Variants in DSG3 observed in about 807,000 individuals in gnomAD.
DSG3 encodes the protein desmoglein-3.
A neutral mutation model predicts 85.9 loss-of-function variants in DSG3; 63 were observed. The observed-to-expected ratio is 0.73, with a 90% CI of 0.60 to 0.90. DSG3 has a LOEUF of 0.90. Ranked by LOEUF, DSG3 falls within the 40% of genes least tolerant of loss-of-function variation. The probability of loss-of-function intolerance (pLI) is 0.00; values close to 1 mark genes in which losing one functional copy is unlikely to be tolerated. For missense variants in DSG3, 1,220 were observed against 1,219.9 expected (o/e 1.00, Z 0.00); for synonymous variants, 447 against 441.9 (o/e 1.01, Z -0.14).
Position 31,477,801 on chromosome 18 carries a change from A to T in DSG3, c.*1541A>T, listed in dbSNP as rs2072898343. 6.6e-6 allele frequency: 1 copy of T among 152,208 alleles called. No homozygotes were observed. The highest frequency in any genetic ancestry group is 1.5e-5 in the Non-Finnish European group (1 of 68,044). 9.4% of individuals were successfully genotyped at this position (152,208 alleles called of 1,614,324 possible). A position where few individuals can be genotyped will look rare whatever the true frequency, so the allele number is the denominator to read the frequency against. ...CACCCTACCTCACCTGCTTACTGACATTGTCTTAGCTGATCACAAGATCAT... is the reference window on the plus strand; with the variant it reads ...CACCCTACCTCACCTGCTTACTGACTTTGTCTTAGCTGATCACAAGATCAT... On this transcript the variant is annotated 3_prime_UTR_variant, in exon 16 of 16. Coordinates refer to ENST00000257189, the MANE Select transcript of DSG3 (RefSeq NM_001944.3).
rs1295987429 is a variant in DSG3, at chr18:31,447,885, G to C, written c.8G>C (p.Gly3Ala). The stretch of plus-strand genomic sequence containing the variant: ...CCAGGGAAATCAGAGACAATGATGG[G>C]GCTCTTCCCCAGAACTACAGGGGCT... MM[G>A]LFPRTTGALA... Residue 3 changes from glycine (G) to alanine (A), a missense_variant, in exon 1 of 16, where the codon GGG becomes GCG. Physicochemically the swap from Gly to Ala is moderately conservative, Grantham distance 60 (BLOSUM62 0). Coordinates refer to ENST00000257189, the MANE Select transcript of DSG3 (RefSeq NM_001944.3). The C allele has an allele frequency of 1.9e-6, 3 of 1,590,588 alleles. No individual in the cohort carries two copies. Among genetic ancestry groups the C allele is most frequent in the Middle Eastern group, 1.7e-4 (1 of 6,002 alleles).
chr18:31,475,146 CTT>C (rs746001855), intron 15 of DSG3, among the ~76,000 whole-genome samples: 19 of 152,136 alleles, frequency 1.2e-4, no homozygotes, highest in Non-Finnish European at 1.8e-4. Flanking sequence ...ACAAAGAAGA[CTT>C]TGAAAAGTAG....
At chr18:31,471,785 T>C (rs2072857112) in intron 12 of DSG3, among the ~76,000 whole-genome samples, 1 of 152,216 alleles carries the variant, frequency 6.6e-6, no homozygotes, top group South Asian at 2.1e-4. Flanking sequence ...GCTATCACCC[T>C]AGTTACTGAG....
At chr18:31,460,723 C>A in intron 6 of DSG3, 110 bp from the exon 7 acceptor site, 1 of 1,022,406 alleles carries the variant, frequency 9.8e-7, no homozygotes, top group Non-Finnish European at 1.4e-6. Context: ...CCACAAATGT[C>A]TTCTACATAA....
rs924443258 is a variant in DSG3 at position 31,474,488 on chromosome 18, G to T, written c.2385+84G>T. 24 of 1,456,228 alleles carry T rather than the reference G, an allele frequency of 1.6e-5. No individual in the cohort carries two copies. The South Asian group carries it at 3.0e-4, about 18-fold the overall frequency. 90.2% of individuals were successfully genotyped at this position (1,456,228 alleles called of 1,614,324 possible). On this transcript the variant is annotated intron_variant, in intron 15 of 15. Coordinates refer to ENST00000257189, the MANE Select transcript of DSG3 (RefSeq NM_001944.3). Reference sequence around the variant, plus strand: ...TTTGATTATATACTTCAGTTTTGCAGTTTTTATTTACAGCTTGTTAAAATG... The same window carrying T: ...TTTGATTATATACTTCAGTTTTGCATTTTTTATTTACAGCTTGTTAAAATG...
chr18:31,458,344 T>A, intron 3 of DSG3, 101 bp from the exon 4 acceptor site: 1 of 1,231,500 alleles, frequency 8.1e-7, no homozygotes, highest in Non-Finnish European at 1.1e-6. Context: ...TCAAAAAGAG[T>A]GAATCGAATG....
chr18:31,459,986 C>A lies in DSG3; in HGVS notation c.659C>A (p.Thr220Asn). 1 of 1,613,914 alleles carries A rather than the reference C, an allele frequency of 6.2e-7. No individual in the cohort carries two copies. Among genetic ancestry groups the A allele is most frequent in the Non-Finnish European group, 8.5e-7 (1 of 1,179,932 alleles). ...AGCAGAAACACTGGGGAAGTCCGTA[C>A]TTTGACCAATTCTCTTGACCGAGAG... ...LLSRNTGEVR[T>N]LTNSLDREQA... Residue 220 changes from threonine (T) to asparagine (N), a missense_variant, in exon 6 of 16, where the codon ACT becomes AAT. Transcript: ENST00000257189.
At chr18:31,469,057 T>G in intron 11 of DSG3, 32 bp from the exon 12 acceptor site, 1 of 1,607,714 alleles carries the variant, frequency 6.2e-7, no homozygotes, top group Admixed American at 1.7e-5. Context: ...CACTTCGTCC[T>G]ACTGTTGATT....
intron 15 of DSG3, among the ~76,000 whole-genome samples, chr18:31,474,846 C>A (rs558727152): frequency 6.6e-6 from 1 of 152,298 alleles, no homozygotes; most frequent in African/African-American, 2.4e-5. Flanking sequence ...TCCAACTGAA[C>A]AAACAATTGA....
intron 9 of DSG3, 42 bp from the exon 10 acceptor site, chr18:31,465,276 C>A: frequency 7.6e-7 from 1 of 1,316,510 alleles, no homozygotes; most frequent in South Asian, 2.7e-5. Context: ...TGTAACATTC[C>A]ACATTTGAAA....
chr18:31,453,586 A>G (rs1410879176), intron 1 of DSG3, among the ~76,000 whole-genome samples: 1 of 152,194 alleles, frequency 6.6e-6, no homozygotes. Flanking sequence ...TATTTCATAT[A>G]TTTTTTAAAT....
Position 31,474,181 on chromosome 18 carries a change from T to TG in DSG3, c.2163dup (p.Thr722AspfsTer3). On this transcript the variant is annotated frameshift_variant, in exon 15 of 16. Transcript: ENST00000257189. LOFTEE classifies it high-confidence loss of function. ...GTGGAAGGCACTTCAGGAATGGAAA[T>TG]GACCACTAAGCTTGGAGCAGCCACT... The TG allele has an allele frequency of 6.2e-7, 1 of 1,614,230 alleles. No homozygotes were observed. The highest frequency in any genetic ancestry group is 1.7e-5 in the Admixed American group (1 of 60,036).
intron 1 of DSG3, among the ~76,000 whole-genome samples, chr18:31,453,869 A>G (rs1160230451): frequency 1.3e-5 from 2 of 152,134 alleles, no homozygotes; most frequent in African/African-American, 4.8e-5. Flanking sequence ...TCCACAGTTT[A>G]TACATATCTC....
In DSG3 at chr18:31,460,924, A is replaced by T. The variant is rs1239983630; in HGVS notation, c.776A>T (p.Asp259Val). Reference sequence around the variant, plus strand: ...TGTGAATGTAATATTAAAGTGAAAGATGTCAACGATAACTTCCCAATGTTT... The same window carrying T: ...TGTGAATGTAATATTAAAGTGAAAGTTGTCAACGATAACTTCCCAATGTTT... The part of the protein sequence containing the change: ...TQCECNIKVK[D>V]VNDNFPMFRD... Residue 259 changes from aspartate to valine, a missense_variant, in exon 7 of 16, where the codon GAT (aspartate) becomes GTT (valine). By Grantham distance (152) the Asp-to-Val change is radical. Transcript: ENST00000257189. 2 of 1,604,240 alleles carry T rather than the reference A, an allele frequency of 1.2e-6. No homozygotes were observed. Among genetic ancestry groups the T allele is most frequent in the African/African-American group, 2.7e-5 (2 of 74,250 alleles).
chr18:31,458,802 C>T lies in DSG3; in HGVS notation c.372+202C>T, dbSNP rs540122059. 9.8e-4 allele frequency among the ~76,000 whole-genome samples: 150 copies of T among 152,296 alleles called. 1 individual carries two copies. Among genetic ancestry groups the T allele is most frequent in the African/African-American group, 3.2e-3 (135 of 41,570 alleles). ...CATGAGTGAGGGTTGAAATCTAGCA[C>T]GCCAAGTGCTTCAGTTTGCCATGAC... On this transcript the variant is annotated intron_variant, in intron 4 of 15. Transcript: ENST00000257189.
chr18:31,456,538 G>A, intron 2 of DSG3, 63 bp downstream of exon 2: 1 of 884,404 alleles, frequency 1.1e-6, no homozygotes, highest in Non-Finnish European at 1.6e-6. Flanking sequence ...AAATTAAATT[G>A]TGTTTAGTAG....
rs373824344 is a variant in DSG3 at position 31,474,155 on chromosome 18, G to A, written c.2136G>A (p.Ala712=). 1.7e-5 allele frequency: 27 copies of A among 1,613,962 alleles called. No individual in the cohort carries two copies. The highest frequency in any genetic ancestry group is 1.6e-4 in the Middle Eastern group (1 of 6,082). The part of the protein sequence containing the change: ...VCTNTYARGT[A]VEGTSGMEMT... ...CAAATACGTATGCCAGAGGCACAGC[G>A]GTGGAAGGCACTTCAGGAATGGAAA... Residue 712 remains alanine (A), a synonymous_variant, in exon 15 of 16, where the codon GCG becomes GCA. Transcript: ENST00000257189.
In DSG3 at chr18:31,469,267, G is replaced by T; in HGVS notation, c.1815G>T (p.Gly605=). The part of the protein sequence containing the change: ...CGTSYPTTSP[G]TRYGRPHSGR... ...CTTCTTACCCAACCACAAGCCCTGG[G>T]ACCAGGTATGGCAGGCCGCACTCAG... Residue 605 remains glycine, a synonymous_variant, in exon 12 of 16, where the codon GGG becomes GGT. Transcript: ENST00000257189. The T allele has an allele frequency of 1.2e-6, 2 of 1,614,142 alleles. No individual in the cohort carries two copies. Among genetic ancestry groups the T allele is most frequent in the South Asian group, 1.1e-5 (1 of 91,074 alleles).
At chr18:31,467,603 A>G (rs190078716) in intron 11 of DSG3, among the ~76,000 whole-genome samples, 70 of 152,256 alleles carry the variant, frequency 4.6e-4, no homozygotes, top group African/African-American at 1.4e-3. Flanking sequence ...TATCATACTC[A>G]TTGTACATTG....
Sources: allele counts gnomAD v4.1 joint callset (sites outside exome capture counted in the v4.1 genomes callset), GRCh38; gene constraint gnomAD v4.1.1; transcripts MANE v1.5; gene names NCBI Gene and HGNC (gene_info 2026-07-23, HGNC 2026-07-21).